Variants in SCEL observed in about 807,000 individuals in gnomAD.
SCEL encodes the protein sciellin.
A neutral mutation model predicts 117.6 loss-of-function variants in SCEL; 113 were observed. That is an observed-to-expected ratio of 0.96 (90% CI 0.83 to 1.12). SCEL has a LOEUF of 1.12. SCEL is among the 50% of genes most tolerant of loss of function. SCEL has a pLI of 0.00. For missense variants in SCEL, 785 were observed against 810.8 expected (o/e 0.97, Z 0.39); for synonymous variants, 270 against 256.2 (o/e 1.05, Z -0.51).
In SCEL at chr13:77,612,929, C is replaced by A. The variant is rs1445787850; in HGVS notation, c.1376C>A (p.Ser459Ter). 2 of 1,562,640 alleles carry A rather than the reference C, an allele frequency of 1.3e-6. No homozygotes were observed. The highest frequency in any genetic ancestry group is 2.4e-5 in the East Asian group (1 of 41,932). Residue 459 changes from serine (S) to a stop codon, truncating the protein, a stop_gained, in exon 23 of 33, where the codon TCA (serine) becomes TAA (stop). Coordinates refer to ENST00000349847, the MANE Select transcript of SCEL (RefSeq NM_144777.3). LOFTEE classifies it high-confidence loss of function. ...DLENLIKVIP[S>*]ANKSSEQGLD... ...GAAAATCTTATCAAAGTGATCCCTT[C>A]AGCAAACAAAAGGTAAACTTATTAA...
intron 5 of SCEL, among the ~76,000 whole-genome samples, chr13:77,564,379 A>T (rs1430066162): frequency 1.3e-5 from 2 of 152,092 alleles, no homozygotes; most frequent in Non-Finnish European, 2.9e-5. Context: ...AGAAGGTGAA[A>T]ATACTCTTTT....
chr13:77,608,364 C>G (rs758792031), intron 20 of SCEL, among the ~76,000 whole-genome samples: 3 of 152,136 alleles, frequency 2.0e-5, no homozygotes, highest in Non-Finnish European at 2.9e-5. Context: ...CTTTGGGAGG[C>G]CAAGGTGGGC....
chr13:77,573,410 A>T (rs912109331), intron 9 of SCEL, among the ~76,000 whole-genome samples: 1 of 152,214 alleles, frequency 6.6e-6, no homozygotes, highest in Non-Finnish European at 1.5e-5. Flanking sequence ...CTATTGGAAA[A>T]GAAAATATTT....
chr13:77,641,549 A>G (rs903868877), intron 31 of SCEL, among the ~76,000 whole-genome samples: 2 of 152,166 alleles, frequency 1.3e-5, no homozygotes, highest in African/African-American at 4.8e-5. Flanking sequence ...GCTGCATATT[A>G]TAATCATCTG....
At chr13:77,623,274 G>A (rs546743605) in intron 27 of SCEL, 18 of 152,220 alleles carry the variant, frequency 1.2e-4, no homozygotes, top group African/African-American at 4.3e-4. Context: ...ATCAATCAGA[G>A]TGAATAGCCA....
At chr13:77,539,993 T>C (rs932162133) in intron 1 of SCEL, among the ~76,000 whole-genome samples, 5 of 152,154 alleles carry the variant, frequency 3.3e-5, no homozygotes, top group African/African-American at 9.7e-5. Context: ...TTGTTTTTAT[T>C]GTAAGAAACT....
chr13:77,559,670 G>T, intron 3 of SCEL, 134 bp from the exon 4 acceptor site: 2 of 663,382 alleles, frequency 3.0e-6, no homozygotes, highest in Non-Finnish European at 5.4e-6. Flanking sequence ...ACATAATTTT[G>T]TGTTCTCACA....
At chr13:77,624,109 T>A (rs1272627304) in intron 27 of SCEL, among the ~76,000 whole-genome samples, 1 of 148,360 alleles carries the variant, frequency 6.7e-6, no homozygotes, top group East Asian at 2.0e-4. Context: ...ACTTTTTTTT[T>A]TTTTTTTTTT....
chr13:77,607,368 A>G (rs963482154), intron 19 of SCEL, among the ~76,000 whole-genome samples: 1 of 152,182 alleles, frequency 6.6e-6, no homozygotes, highest in Non-Finnish European at 1.5e-5. Context: ...TGCGCTTTAT[A>G]TTACACTTGA....
At chr13:77,619,212 A>G (rs1704038686) in intron 27 of SCEL, among the ~76,000 whole-genome samples, 1 of 152,194 alleles carries the variant, frequency 6.6e-6, no homozygotes, top group African/African-American at 2.4e-5. Flanking sequence ...TAACTCTTAC[A>G]TCTCCTAGCT....
In SCEL at chr13:77,613,889, T is replaced by A. The variant is rs758035648; in HGVS notation, c.1389-4T>A. 5.0e-6 allele frequency: 8 copies of A among 1,612,920 alleles called. No homozygotes were observed. Among genetic ancestry groups the A allele is most frequent in the Non-Finnish European group, 6.8e-6 (8 of 1,179,254 alleles). ...TTTGCCGATTTCCTCTAATTTTGTT[T>A]TAGCAGTGAACAAGGTCTTGATGAA... On this transcript the variant is annotated splice_region_variant and splice_polypyrimidine_tract_variant and intron_variant, in intron 23 of 32. Transcript: ENST00000349847.
intron 17 of SCEL, 151 bp downstream of exon 17, chr13:77,602,864 C>T (rs12430828): frequency 0.17 from 113,105 of 666,724 alleles, 10,222 homozygotes; most frequent in Admixed American, 0.2. Flanking sequence ...ACAGTATATT[C>T]GATCTAAATT....
Position 77,576,124 on chromosome 13 carries a change from G to A in SCEL, c.545+3935G>A, listed in dbSNP as rs138882710. Among the ~76,000 whole-genome samples, 1,387 of 152,120 alleles carry A rather than the reference G, an allele frequency of 9.1e-3. 27 individuals carry two copies. Among genetic ancestry groups the A allele is most frequent in the African/African-American group, 0.031 (1,278 of 41,480 alleles). ...TCTTTCCATCTCAGCCAACATTCTCGGAAGAGTTGATGATGCTTTTCATCT... is the reference window on the plus strand; with the variant it reads ...TCTTTCCATCTCAGCCAACATTCTCAGAAGAGTTGATGATGCTTTTCATCT... On this transcript the variant is annotated intron_variant, in intron 9 of 32. Coordinates refer to ENST00000349847, the MANE Select transcript of SCEL (RefSeq NM_144777.3).
At chr13:77,545,903 A>G (rs2083961842) in intron 1 of SCEL, among the ~76,000 whole-genome samples, 1 of 152,264 alleles carries the variant, frequency 6.6e-6, no homozygotes. Flanking sequence ...AATTTCCCAC[A>G]GTATTGCTCA....
chr13:77,587,050 T>G (rs1355466718), intron 9 of SCEL, among the ~76,000 whole-genome samples: 3 of 151,946 alleles, frequency 2.0e-5, no homozygotes, highest in Non-Finnish European at 4.4e-5. Flanking sequence ...TCTGCTTGCC[T>G]AGAAAACCAT....
chr13:77,568,878 A>G (rs1423458892), intron 7 of SCEL, among the ~76,000 whole-genome samples: 1 of 152,226 alleles, frequency 6.6e-6, no homozygotes, highest in East Asian at 1.9e-4. Context: ...AAAGTAATTT[A>G]TACACTGGAT....
intron 24 of SCEL, among the ~76,000 whole-genome samples, chr13:77,615,223 A>C (rs1164383911): frequency 6.6e-6 from 1 of 152,098 alleles, no homozygotes; most frequent in Non-Finnish European, 1.5e-5. Flanking sequence ...GAGATTATCC[A>C]ATTCAATCTC....
At chr13:77,543,214 G>A (rs1489682674) in intron 1 of SCEL, among the ~76,000 whole-genome samples, 1 of 150,552 alleles carries the variant, frequency 6.6e-6, no homozygotes, top group African/African-American at 2.4e-5. Flanking sequence ...CTCCCAAGTA[G>A]CTGGGACTAC....
chr13:77,556,737 G>C (rs1052930809), intron 3 of SCEL, 24 bp downstream of exon 3: 6 of 1,514,654 alleles, frequency 4.0e-6, no homozygotes, highest in Non-Finnish European at 5.5e-6. Flanking sequence ...GAGCGTGGTG[G>C]GTGGACAGAA....
Sources: allele counts gnomAD v4.1 joint callset (sites outside exome capture counted in the v4.1 genomes callset), GRCh38; gene constraint gnomAD v4.1.1; transcripts MANE v1.5; gene names NCBI Gene and HGNC (gene_info 2026-07-23, HGNC 2026-07-21).